The following GDNF variants were observed in gnomAD, a reference collection of about 807,000 sequenced individuals.
The protein encoded by GDNF is glial cell derived neurotrophic factor, also known as glial cell line-derived neurotrophic factor.
Under a neutral mutation model 13.7 loss-of-function variants are expected in GDNF, and 5 were observed. That is an observed-to-expected ratio of 0.36 (90% CI 0.19 to 0.77). GDNF has a LOEUF of 0.77. Among genes scored for constraint, GDNF ranks in the 30% least tolerant of loss-of-function variants. GDNF has a pLI of 0.51. For synonymous variants in GDNF, 122 were observed against 112.5 expected (o/e 1.08, Z -0.53); for missense variants, 246 against 274.3 (o/e 0.90, Z 0.73).
intron 2 of GDNF, among the ~76,000 whole-genome samples, chr5:37,827,028 A>G (rs1489402278): frequency 3.3e-5 from 5 of 152,200 alleles, no homozygotes; most frequent in Non-Finnish European, 7.3e-5. Context: ...CCTACATCTA[A>G]TCATGTGGAA....
chr5:37,835,326 G>A (rs1750667848), intron 1 of GDNF: 2 of 605,410 alleles, frequency 3.3e-6, no homozygotes, highest in Middle Eastern at 4.8e-4. Context: ...AAAATCAAGC[G>A]CATTCCCCTG....
intron 1 of GDNF, chr5:37,835,362 C>G: frequency 2.8e-6 from 3 of 1,063,624 alleles, no homozygotes; most frequent in Non-Finnish European, 3.8e-6. Context: ...GGGCTTCTGG[C>G]TAGTCGAGGG....
Position 37,834,754 on chromosome 5 carries a change from G to T in GDNF, c.43C>A (p.His15Asn). 1.2e-6 allele frequency: 2 copies of T among 1,612,868 alleles called. No homozygotes were observed. Among genetic ancestry groups the T allele is most frequent in the Non-Finnish European group, 1.7e-6 (2 of 1,179,542 alleles). Residue 15 changes from histidine to asparagine, a missense_variant, in exon 2 of 3, where the codon CAC becomes AAC. Coordinates refer to ENST00000326524, the MANE Select transcript of GDNF (RefSeq NM_000514.4). Reference protein sequence around the residue: ...DVVAVCLVLLHTASAFPLPAG... With the variant: ...DVVAVCLVLLNTASAFPLPAG... ...GGCAGCGGGAAGGCGGACGCGGTGTGGAGCAGCACCAGGCAGACAGCCACG... is the reference window on the plus strand; with the variant it reads ...GGCAGCGGGAAGGCGGACGCGGTGTTGAGCAGCACCAGGCAGACAGCCACG...
chr5:37,821,745 T>G (rs761432653), intron 2 of GDNF, among the ~76,000 whole-genome samples: 1 of 152,034 alleles, frequency 6.6e-6, no homozygotes, highest in Non-Finnish European at 1.5e-5. Flanking sequence ...GGAAAAAAAA[T>G]AGTAATGTCA....
Position 37,837,262 on chromosome 5 carries a change from A to G in GDNF, c.-27+2245T>C, listed in dbSNP as rs1220042785. On this transcript the variant is annotated intron_variant, in intron 1 of 2. Transcript: ENST00000326524. The surrounding 1 kb of genome is among the most constrained non-coding windows in gnomAD (Gnocchi z 6.5). ...CTGCCCGACGCGCTTCTCCTCAACC[A>G]TGGGCCTTTGCCCGCGGTGCAAACT... Among the ~76,000 whole-genome samples the G allele has an allele frequency of 6.6e-6, 1 of 152,040 alleles. No individual in the cohort carries two copies. The highest frequency in any genetic ancestry group is 1.5e-5 in the Non-Finnish European group (1 of 67,984).
At chr5:37,836,057 G>A (rs2735274) in intron 1 of GDNF, among the ~76,000 whole-genome samples, 1 of 152,128 alleles carries the variant, frequency 6.6e-6, no homozygotes, top group Non-Finnish European at 1.5e-5. Flanking sequence ...GTGTTATCCA[G>A]TGCCTTCCTA....
chr5:37,835,870 G>A, intron 1 of GDNF: 1 of 601,342 alleles, frequency 1.7e-6, no homozygotes, highest in Non-Finnish European at 3.0e-6. Context: ...GTACGGCGCA[G>A]AGTAGGGGGT....
At chr5:37,831,567 A>G (rs1750525251) in intron 2 of GDNF, among the ~76,000 whole-genome samples, 1 of 152,182 alleles carries the variant, frequency 6.6e-6, no homozygotes, top group Admixed American at 6.5e-5. Context: ...TTCCTCCCAT[A>G]TAAAGTATCC....
rs1291005426 is a variant in GDNF, at chr5:37,837,484, C to T, written c.-27+2023G>A. On this transcript the variant is annotated intron_variant, in intron 1 of 2. Transcript: ENST00000326524. The surrounding 1 kb of genome is among the most constrained non-coding windows in gnomAD (Gnocchi z 6.5). ...CTGTGGGTCCCCAGGCCTGGGGAGG[C>T]AAGGACGCCCAGGAAAGCCACAGAA... Among the ~76,000 whole-genome samples the T allele has an allele frequency of 1.3e-5, 2 of 152,114 alleles. No homozygotes were observed. The highest frequency in any genetic ancestry group is 2.9e-5 in the Non-Finnish European group (2 of 68,004).
chr5:37,834,623 C>T (rs75404682), intron 2 of GDNF, 23 bp downstream of exon 2: 1 of 1,480,878 alleles, frequency 6.8e-7, no homozygotes, highest in Non-Finnish European at 8.9e-7. Flanking sequence ...GCGGCCCCCC[C>T]GCGGGGAGGG....
At chr5:37,826,808 C>T (rs1385189042) in intron 2 of GDNF, among the ~76,000 whole-genome samples, 1 of 152,152 alleles carries the variant, frequency 6.6e-6, no homozygotes, top group Non-Finnish European at 1.5e-5. Context: ...TGCCCATGTC[C>T]CCTTTTCCAA....
chr5:37,835,598 G>C, intron 1 of GDNF: 1 of 1,528,022 alleles, frequency 6.5e-7, no homozygotes, highest in Non-Finnish European at 8.9e-7. Flanking sequence ...ACAAGCTCTA[G>C]CGGAACATGT....
Position 37,815,419 on chromosome 5 carries a change from T to C in GDNF, c.*232A>G. ...CCATCCTGGAGAATCCAGAGGGCTG[T>C]TTTCTCTCTCTCCTGTCCAGTTGTC... is the stretch of plus-strand genomic sequence containing the variant. On this transcript the variant is annotated 3_prime_UTR_variant, in exon 3 of 3. Transcript: ENST00000326524. The surrounding 1 kb of genome is among the most constrained non-coding windows in gnomAD (Gnocchi z 5.0). 1 of 580,710 alleles carries C rather than the reference T, an allele frequency of 1.7e-6. No individual in the cohort carries two copies. Among genetic ancestry groups the C allele is most frequent in the East Asian group, 2.9e-5 (1 of 34,296 alleles). 36.0% of individuals were successfully genotyped at this position (580,710 alleles called of 1,614,324 possible). A position where few individuals can be genotyped will look rare whatever the true frequency, so the allele number is the denominator to read the frequency against.
chr5:37,831,298 G>T (rs1325971492), intron 2 of GDNF, among the ~76,000 whole-genome samples: 1 of 152,150 alleles, frequency 6.6e-6, no homozygotes, highest in Non-Finnish European at 1.5e-5. Context: ...TGTTCCATGA[G>T]GGCAGCGACT....
intron 2 of GDNF, among the ~76,000 whole-genome samples, chr5:37,825,146 A>G (rs1211832687): frequency 4.6e-5 from 7 of 152,212 alleles, no homozygotes; most frequent in South Asian, 2.1e-4. Flanking sequence ...TAGTTGTACT[A>G]TATCCTAAAC....
intron 2 of GDNF, 152 bp downstream of exon 2, chr5:37,834,494 C>A (rs1412599117): frequency 1.0e-5 from 7 of 683,360 alleles, no homozygotes; most frequent in Non-Finnish European, 1.6e-5. Flanking sequence ...CAGCCAGGCA[C>A]CCCTGGGGGC....
chr5:37,833,257 T>C (rs543314434), intron 2 of GDNF, among the ~76,000 whole-genome samples: 1 of 152,334 alleles, frequency 6.6e-6, no homozygotes, highest in Admixed American at 6.5e-5. Context: ...ATAGCCAGTT[T>C]TGGAAGACCC....
At chr5:37,831,384 T>C (rs892628154) in intron 2 of GDNF, among the ~76,000 whole-genome samples, 2 of 152,250 alleles carry the variant, frequency 1.3e-5, no homozygotes, top group Non-Finnish European at 2.9e-5. Context: ...CATGTAACTA[T>C]TTGGTGAATG....
intron 1 of GDNF, chr5:37,835,775 T>C (rs1269926249): frequency 1.0e-5 from 9 of 870,698 alleles, no homozygotes; most frequent in Middle Eastern, 2.1e-4. Context: ...AGTCACTGGC[T>C]CCCCGCGCCC....
Sources: gnomAD v4.1 joint callset for allele counts (sites outside exome capture counted in the v4.1 genomes callset) on GRCh38, gnomAD v4.1.1 for gene constraint, Gnocchi (gnomAD v3.1) non-coding constraint, MANE v1.5 for transcripts, NCBI Gene and HGNC (gene_info 2026-07-23, HGNC 2026-07-21) for gene names.